MS4A1: variants seen among roughly 807,000 people sequenced by gnomAD.
MS4A1 encodes membrane spanning 4-domains A1, also known as B-lymphocyte antigen CD20.
In MS4A1, 16 loss-of-function variants were observed where a neutral mutation model predicts 26.5. That is an observed-to-expected ratio of 0.60 (90% CI 0.41 to 0.92). MS4A1 has a LOEUF of 0.92. MS4A1 is among the 40% of genes least tolerant of loss of function. MS4A1 has a pLI of 0.00. For missense variants in MS4A1, 350 were observed against 353.0 expected (o/e 0.99, Z 0.07); for synonymous variants, 128 against 117.6 (o/e 1.09, Z -0.57).
At chr11:60,456,963 G>A (rs962273390) in intron 1 of MS4A1, among the ~76,000 whole-genome samples, 2 of 152,162 alleles carry the variant, frequency 1.3e-5, no homozygotes, top group African/African-American at 4.8e-5. Context: ...CCCTGAGGAA[G>A]TAGCTGAGTT....
chr11:60,460,352 T>A (rs2135194749), intron 1 of MS4A1, among the ~76,000 whole-genome samples: 1 of 152,366 alleles, frequency 6.6e-6, no homozygotes, highest in African/African-American at 2.4e-5. Context: ...CAGGTGATGA[T>A]TCACCCCTTG....
chr11:60,462,579 G>C, intron 3 of MS4A1, 46 bp downstream of exon 3: 1 of 1,611,246 alleles, frequency 6.2e-7, no homozygotes, highest in Non-Finnish European at 8.5e-7. Flanking sequence ...TTCTCTGGCT[G>C]ACAGAAGCTG....
At position 60,465,936 on chromosome 11, in the gene MS4A1, A is replaced by G; in HGVS notation, c.352A>G (p.Ile118Val). The stretch of plus-strand genomic sequence containing the variant: ...TCCATTTCAGGTCAAAGGAAAAATG[A>G]TAATGAATTCATTGAGCCTCTTTGC... ...SRKCLVKGKMIMNSLSLFAAI... is the reference protein window; with the variant it reads ...SRKCLVKGKMVMNSLSLFAAI... The change falls in exon 6 of 8, where the codon ATA (isoleucine) becomes GTA (valine). Residue 118 changes from isoleucine (I) to valine (V), a missense_variant. By Grantham distance (29) the Ile-to-Val change is conservative. Transcript: ENST00000345732. 1.2e-6 allele frequency: 2 copies of G among 1,613,262 alleles called. No individual in the cohort carries two copies. Among genetic ancestry groups the G allele is most frequent in the Non-Finnish European group, 8.5e-7 (1 of 1,179,368 alleles).
At chr11:60,463,960 A>T (rs2086269741) in intron 4 of MS4A1, 2 of 396,426 alleles carry the variant, frequency 5.0e-6, no homozygotes, top group Admixed American at 3.6e-5. Flanking sequence ...AAAAACTAGA[A>T]ATAAAACTTT....
In MS4A1 at chr11:60,467,049, A is replaced by G. The variant is rs757923600; in HGVS notation, c.664A>G (p.Arg222Gly). Residue 222 changes from arginine (R) to glycine (G), a missense_variant, in exon 7 of 8, where the codon AGA becomes GGA. Physicochemically the swap from Arg to Gly is moderately radical, Grantham distance 125. Transcript: ENST00000345732. ...GAATGAATGGAAAAGAACGTGCTCC[A>G]GACCCAAATCTGTAAGTAGTAGCCC... ...VENEWKRTCS[R>G]PKSNIVLLSA... The G allele has an allele frequency of 6.2e-7, 1 of 1,614,122 alleles. No homozygotes were observed.
chr11:60,464,845 G>T (rs900092654), intron 5 of MS4A1, among the ~76,000 whole-genome samples: 2 of 152,162 alleles, frequency 1.3e-5, no homozygotes, highest in Non-Finnish European at 1.5e-5. Context: ...TGCTTCACAG[G>T]CTATAAAGTA....
intron 5 of MS4A1, among the ~76,000 whole-genome samples, chr11:60,465,318 T>A (rs2086282127): frequency 6.6e-6 from 1 of 152,254 alleles, no homozygotes; most frequent in Non-Finnish European, 1.5e-5. Flanking sequence ...CCCAAAGACA[T>A]CAGCCCTAAT....
intron 6 of MS4A1, 51 bp from the exon 7 acceptor site, chr11:60,466,908 T>C (rs771159336): frequency 1.3e-6 from 2 of 1,533,986 alleles, no homozygotes; most frequent in African/African-American, 2.7e-5. Flanking sequence ...ACCAACAATG[T>C]TCTTTGTGCC....
rs2086252939 is a variant in MS4A1 at position 60,462,176 on chromosome 11, C to T, written c.-190-9C>T. The stretch of plus-strand genomic sequence containing the variant: ...TCTTCCTAAACAACCCCTCCATCTC[C>T]TTTCTCAGAACTCAGCAGTAGGCCT... On this transcript the variant is annotated splice_polypyrimidine_tract_variant and intron_variant, in intron 2 of 7. Transcript: ENST00000345732. 1.5e-6 allele frequency: 1 copy of T among 686,542 alleles called. No individual in the cohort carries two copies. The highest frequency in any genetic ancestry group is 2.9e-5 in the East Asian group (1 of 34,654). 42.5% of individuals were successfully genotyped at this position (686,542 alleles called of 1,614,324 possible).
At position 60,464,320 on chromosome 11, in the gene MS4A1, G is replaced by A. The variant is rs200265912; in HGVS notation, c.312G>A (p.Thr104=). The change falls in exon 5 of 8, where the codon ACG becomes ACA. Residue 104 remains threonine (T), a synonymous_variant. Transcript: ENST00000345732. ...TTTCCGGATCACTCCTGGCAGCAAC[G>A]GAGAAAAACTCCAGGAAGTGTTTGG... is the stretch of plus-strand genomic sequence containing the variant. ...YIISGSLLAA[T]EKNSRKCLVK... 3.3e-5 allele frequency: 53 copies of A among 1,610,474 alleles called. No homozygotes were observed. The highest frequency in any genetic ancestry group is 1.8e-4 in the East Asian group (8 of 44,756).
In MS4A1 at chr11:60,468,707, C is replaced by T. The variant is rs148229051; in HGVS notation, c.*239C>T. 1.1e-4 allele frequency: 58 copies of T among 538,388 alleles called. No homozygotes were observed. In the African/African-American group the frequency reaches 1.1e-3, roughly 10 times the overall value. 33.4% of individuals were successfully genotyped at this position (538,388 alleles called of 1,614,324 possible). A position where few individuals can be genotyped will look rare whatever the true frequency, so the allele number is the denominator to read the frequency against. On this transcript the variant is annotated 3_prime_UTR_variant, in exon 8 of 8. Transcript: ENST00000345732. ...GCAACTTTCTTACACTGAAGAAAGG[C>T]AGAATGAGTGCTTCAGAATGTGATT... is the stretch of plus-strand genomic sequence containing the variant.
At chr11:60,462,554 C>T in intron 3 of MS4A1, 21 bp downstream of exon 3, 2 of 1,614,048 alleles carry the variant, frequency 1.2e-6, no homozygotes, top group Non-Finnish European at 1.7e-6. Context: ...TGCCTTCCAT[C>T]CCATGTCGTA....
At position 60,463,134 on chromosome 11, in the gene MS4A1, A is replaced by G. The variant is rs761352911; in HGVS notation, c.279+13A>G. On this transcript the variant is annotated intron_variant, in intron 4 of 7. Coordinates refer to ENST00000345732, the MANE Select transcript of MS4A1 (RefSeq NM_152866.3). ...GGGAGGCATTATGGTGAGTAAAAGAATAGCAGCCATTTGGGAAATGGTGCA... is the reference window on the plus strand; with the variant it reads ...GGGAGGCATTATGGTGAGTAAAAGAGTAGCAGCCATTTGGGAAATGGTGCA... The G allele has an allele frequency of 4.0e-5, 64 of 1,614,064 alleles. 1 individual carries two copies. The highest frequency in any genetic ancestry group is 1.7e-6 in the Non-Finnish European group (2 of 1,180,006).
rs1273430261 is a variant in MS4A1, at chr11:60,470,141, T to C, written c.*1673T>C. On this transcript the variant is annotated 3_prime_UTR_variant, in exon 8 of 8. Coordinates refer to ENST00000345732, the MANE Select transcript of MS4A1 (RefSeq NM_152866.3). ...ATGGGAGGCTCTTACAGCCTTGAGT[T>C]GATATTTATACAACCCAAATCTAGG... is the stretch of plus-strand genomic sequence containing the variant. The C allele has an allele frequency of 6.6e-6, 1 of 152,042 alleles. No homozygotes were observed. The highest frequency in any genetic ancestry group is 2.4e-5 in the African/African-American group (1 of 41,438). The allele number at this position is 152,042 out of a possible 1,614,324, so 9.4% of individuals were successfully genotyped here. A position where few individuals can be genotyped will look rare whatever the true frequency, so the allele number is the denominator to read the frequency against.
Position 60,470,444 on chromosome 11 carries a change from G to C in MS4A1, c.*1976G>C, listed in dbSNP as rs2086334763. On this transcript the variant is annotated 3_prime_UTR_variant, in exon 8 of 8. Coordinates refer to ENST00000345732, the MANE Select transcript of MS4A1 (RefSeq NM_152866.3). ...TATGAGGATTCCTCTCCAAACCCAT[G>C]GTTTCTCTAAGAATTTTGAGTCATT... 6.6e-6 allele frequency: 1 copy of C among 151,842 alleles called. No individual in the cohort carries two copies. The highest frequency in any genetic ancestry group is 1.5e-5 in the Non-Finnish European group (1 of 67,874). The allele number at this position is 151,842 out of a possible 1,614,324, so 9.4% of individuals were successfully genotyped here. A position where few individuals can be genotyped will look rare whatever the true frequency, so the allele number is the denominator to read the frequency against.
At chr11:60,459,614 G>T (rs954754872) in intron 1 of MS4A1, among the ~76,000 whole-genome samples, 2 of 152,122 alleles carry the variant, frequency 1.3e-5, no homozygotes, top group African/African-American at 2.4e-5. Flanking sequence ...GAATCAGTCC[G>T]CAAACTCTTT....
Position 60,468,479 on chromosome 11 carries a change from CT to C in MS4A1, c.*12del. 1 of 1,611,346 alleles carries C rather than the reference CT, an allele frequency of 6.2e-7. No individual in the cohort carries two copies. Among genetic ancestry groups the C allele is most frequent in the Non-Finnish European group, 8.5e-7 (1 of 1,177,672 alleles). On this transcript the variant is annotated 3_prime_UTR_variant, in exon 8 of 8. Transcript: ENST00000345732. Reference sequence around the variant, plus strand: ...GACAGCTCTCCTTAAGTGATTTCTTCTGTTTTCTGTTTCCTTTTTTAAACAT... The same window carrying C: ...GACAGCTCTCCTTAAGTGATTTCTTCGTTTTCTGTTTCCTTTTTTAAACAT...
chr11:60,463,091 T>C lies in MS4A1; in HGVS notation c.249T>C (p.Thr83=). 6.2e-7 allele frequency: 1 copy of C among 1,614,198 alleles called. No individual in the cohort carries two copies. Residue 83 remains threonine (T), a synonymous_variant, in exon 4 of 8, where the codon ACT becomes ACC. Coordinates refer to ENST00000345732, the MANE Select transcript of MS4A1 (RefSeq NM_152866.3). ...GGATCTATGCACCCATCTGTGTGAC[T>C]GTGTGGTACCCTCTCTGGGGAGGCA... ...PAGIYAPICV[T]VWYPLWGGIM... is the part of the protein sequence containing the mutation.
At chr11:60,459,912 T>C (rs1182149401) in intron 1 of MS4A1, among the ~76,000 whole-genome samples, 1 of 152,160 alleles carries the variant, frequency 6.6e-6, no homozygotes, top group East Asian at 1.9e-4. Context: ...AGCAGCCTGG[T>C]ACCCTGGATG....
Sources: gnomAD v4.1 joint callset for allele counts (sites outside exome capture counted in the v4.1 genomes callset) on GRCh38, gnomAD v4.1.1 for gene constraint, MANE v1.5 for transcripts, NCBI Gene and HGNC (gene_info 2026-07-23, HGNC 2026-07-21) for gene names.